CTDSPL: variants seen among roughly 807,000 people sequenced by gnomAD.
The protein encoded by CTDSPL is CTD small phosphatase like, also known as CTD small phosphatase-like protein.
Under a neutral mutation model 30.5 loss-of-function variants are expected in CTDSPL, and 8 were observed. The ratio of observed to expected loss-of-function variants is 0.26; its 90% confidence interval spans 0.15 to 0.47. The LOEUF (loss-of-function observed/expected upper bound fraction) is 0.47, where lower values mean the gene tolerates loss of function less well. Among genes scored for constraint, CTDSPL ranks in the 20% least tolerant of loss-of-function variants. The probability of loss-of-function intolerance (pLI) is 0.99; values close to 1 mark genes in which losing one functional copy is unlikely to be tolerated. For synonymous variants in CTDSPL, 110 were observed against 137.9 expected (o/e 0.80, Z 1.42); for missense variants, 248 against 366.1 (o/e 0.68, Z 2.63).
chr3:37,932,798 G>A (rs566588806), intron 1 of CTDSPL, among the ~76,000 whole-genome samples: 1 of 152,222 alleles, frequency 6.6e-6, no homozygotes, highest in South Asian at 2.1e-4. Context: ...TCAGACTTTG[G>A]TCCCAGCCAT....
intron 2 of CTDSPL, among the ~76,000 whole-genome samples, chr3:37,952,276 G>A (rs1020235774): frequency 6.6e-6 from 1 of 152,206 alleles, no homozygotes; most frequent in African/African-American, 2.4e-5. Flanking sequence ...ACAAATAATA[G>A]CTTAGACAAA....
At chr3:37,976,331 C>T (rs368248718) in intron 7 of CTDSPL, among the ~76,000 whole-genome samples, 31 of 152,094 alleles carry the variant, frequency 2.0e-4, no homozygotes, top group Non-Finnish European at 3.2e-4. Flanking sequence ...ATCTCTTTAA[C>T]AGAAGTATTT....
At chr3:37,939,822 G>T (rs1363346548) in intron 1 of CTDSPL, among the ~76,000 whole-genome samples, 1 of 150,452 alleles carries the variant, frequency 6.6e-6, no homozygotes, top group Non-Finnish European at 1.5e-5. Context: ...GGCTGGGCAC[G>T]GTGGTTCACG....
At chr3:37,902,787 C>A (rs1698466489) in intron 1 of CTDSPL, among the ~76,000 whole-genome samples, 1 of 152,174 alleles carries the variant, frequency 6.6e-6, no homozygotes, top group Admixed American at 6.5e-5. Context: ...CCAGGGGTCA[C>A]CGGTCACCCG....
chr3:37,941,423 T>C (rs1327284579), intron 1 of CTDSPL, among the ~76,000 whole-genome samples: 3 of 148,734 alleles, frequency 2.0e-5, no homozygotes, highest in Admixed American at 1.3e-4. Context: ...TTTTTTCTTT[T>C]TTTTTTTTTT....
intron 1 of CTDSPL, among the ~76,000 whole-genome samples, chr3:37,917,693 C>T (rs1161921566): frequency 1.3e-5 from 2 of 152,200 alleles, no homozygotes; most frequent in Admixed American, 1.3e-4. Flanking sequence ...AAGGAAGCAT[C>T]AGGCAGCTGC....
At chr3:37,945,565 G>A (rs1010454224) in intron 1 of CTDSPL, among the ~76,000 whole-genome samples, 5 of 152,226 alleles carry the variant, frequency 3.3e-5, no homozygotes, top group African/African-American at 9.6e-5. Context: ...TAGGTGGCCC[G>A]CATGCCTGGC....
intron 1 of CTDSPL, among the ~76,000 whole-genome samples, chr3:37,889,440 G>A (rs1192286584): frequency 4.6e-5 from 7 of 151,968 alleles, no homozygotes; most frequent in South Asian, 2.1e-4. Context: ...TGAAATCGGC[G>A]GTTTCCAAAA....
intron 1 of CTDSPL, among the ~76,000 whole-genome samples, chr3:37,943,725 G>A (rs769160862): frequency 6.7e-6 from 1 of 150,140 alleles, no homozygotes; most frequent in Non-Finnish European, 1.5e-5. Flanking sequence ...AAACGTAAAG[G>A]GGGCAAGCGA....
chr3:37,899,321 A>G (rs534828010), intron 1 of CTDSPL, among the ~76,000 whole-genome samples: 25 of 152,338 alleles, frequency 1.6e-4, no homozygotes, highest in South Asian at 8.3e-4. Flanking sequence ...TGCCTTCAGT[A>G]ACTAGCCCAT....
rs1699484836 is a variant in CTDSPL at position 37,980,927 on chromosome 3, G to A, written c.*60G>A. 2 of 1,563,102 alleles carry A rather than the reference G, an allele frequency of 1.3e-6. No individual in the cohort carries two copies. Among genetic ancestry groups the A allele is most frequent in the African/African-American group, 1.4e-5 (1 of 73,982 alleles). On this transcript the variant is annotated 3_prime_UTR_variant, in exon 8 of 8. Coordinates refer to ENST00000273179, the MANE Select transcript of CTDSPL (RefSeq NM_001008392.2). ...TGGAACCTCTGGCCTCAGGGGACCT[G>A]CCTGTCCTCAGCTCCCTGGGAGCTG...
chr3:37,902,694 C>G (rs759029083), intron 1 of CTDSPL, among the ~76,000 whole-genome samples: 1 of 152,122 alleles, frequency 6.6e-6, no homozygotes, highest in African/African-American at 2.4e-5. Flanking sequence ...TCAAACCCCC[C>G]ACAAGGAGGC....
At chr3:37,966,598 A>G (rs1341260869) in intron 4 of CTDSPL, among the ~76,000 whole-genome samples, 3 of 152,166 alleles carry the variant, frequency 2.0e-5, no homozygotes, top group Non-Finnish European at 4.4e-5. Flanking sequence ...TAGTTGTGCA[A>G]TTATATGATA....
chr3:37,878,373 T>C (rs1414830099), intron 1 of CTDSPL, among the ~76,000 whole-genome samples: 1 of 152,212 alleles, frequency 6.6e-6, no homozygotes, highest in Non-Finnish European at 1.5e-5. Context: ...GTAAAAGGCA[T>C]GGATTAAAGT....
intron 1 of CTDSPL, among the ~76,000 whole-genome samples, chr3:37,891,010 G>A (rs1418036211): frequency 1.3e-5 from 2 of 152,168 alleles, no homozygotes; most frequent in African/African-American, 4.8e-5. Context: ...AGCTTGCCTA[G>A]TATGACACAA....
intron 1 of CTDSPL, among the ~76,000 whole-genome samples, chr3:37,878,824 T>C (rs532782657): frequency 2.0e-5 from 3 of 152,342 alleles, no homozygotes; most frequent in East Asian, 1.9e-4. Context: ...AGTATACTTA[T>C]ACAGAAAGTT....
At chr3:37,887,084 G>A (rs1698271158) in intron 1 of CTDSPL, among the ~76,000 whole-genome samples, 1 of 152,234 alleles carries the variant, frequency 6.6e-6, no homozygotes, top group Admixed American at 6.5e-5. Flanking sequence ...TTTCCATCCA[G>A]GATGTCACGG....
intron 1 of CTDSPL, among the ~76,000 whole-genome samples, chr3:37,883,984 G>A (rs2125593516): frequency 6.6e-6 from 1 of 152,264 alleles, no homozygotes; most frequent in African/African-American, 2.4e-5. Context: ...ACAAAACTCA[G>A]GGTCCTTAAG....
At chr3:37,927,675 T>TGTGTGC (rs1698798658) in intron 1 of CTDSPL, among the ~76,000 whole-genome samples, 1 of 136,788 alleles carries the variant, frequency 7.3e-6, no homozygotes, top group Non-Finnish European at 1.5e-5. Flanking sequence ...TGTGTGTGTG[T>TGTGTGC]GTGTATGTGT....
Sources: gnomAD v4.1 joint callset for allele counts (sites outside exome capture counted in the v4.1 genomes callset) on GRCh38, gnomAD v4.1.1 for gene constraint, MANE v1.5 for transcripts, NCBI Gene and HGNC (gene_info 2026-07-23, HGNC 2026-07-21) for gene names.